Variants in DLC1 observed in about 807,000 individuals in gnomAD.
The protein encoded by DLC1 is DLC1 Rho GTPase activating protein, also known as rho GTPase-activating protein 7.
A neutral mutation model predicts 140.3 loss-of-function variants in DLC1; 54 were observed. The observed-to-expected ratio is 0.38, with a 90% CI of 0.31 to 0.48. DLC1 has a LOEUF of 0.48. DLC1 is among the 20% of genes least tolerant of loss of function. The probability of loss-of-function intolerance (pLI) is 0.96; values close to 1 mark genes in which losing one functional copy is unlikely to be tolerated. For missense variants in DLC1, 2,536 were observed against 1,907.0 expected (o/e 1.33, Z -6.14); for synonymous variants, 986 against 728.1 (o/e 1.35, Z -5.70).
At chr8:13,436,252 C>T (rs928518021) in intron 2 of DLC1, among the ~76,000 whole-genome samples, 3 of 152,122 alleles carry the variant, frequency 2.0e-5, no homozygotes, top group East Asian at 1.9e-4. Context: ...TATGAATGTG[C>T]GTAGGAAACA....
chr8:13,571,566 T>C (rs900757605), intron 1 of DLC1, among the ~76,000 whole-genome samples: 5 of 152,212 alleles, frequency 3.3e-5, no homozygotes, highest in African/African-American at 1.2e-4. Flanking sequence ...TGTAGGTATA[T>C]GTAACATGTA....
chr8:13,565,332 A>T (rs937186221), intron 1 of DLC1, among the ~76,000 whole-genome samples: 2 of 152,226 alleles, frequency 1.3e-5, no homozygotes, highest in Non-Finnish European at 2.9e-5. Context: ...TCCCTTGTTC[A>T]ATGTTATGGA....
chr8:13,277,157 A>G (rs186446027), intron 5 of DLC1, among the ~76,000 whole-genome samples: 1 of 152,174 alleles, frequency 6.6e-6, no homozygotes, highest in East Asian at 2.0e-4. Flanking sequence ...CCACCCCTAC[A>G]AGAAATTAGG....
intron 2 of DLC1, among the ~76,000 whole-genome samples, chr8:13,480,720 A>G (rs147852460): frequency 4.3e-4 from 65 of 152,318 alleles, no homozygotes; most frequent in African/African-American, 1.3e-3. Flanking sequence ...CCTCGCCAAC[A>G]GGGTGAAACC....
At chr8:13,163,733 C>T (rs1410709622) in intron 5 of DLC1, among the ~76,000 whole-genome samples, 1 of 152,008 alleles carries the variant, frequency 6.6e-6, no homozygotes, top group East Asian at 1.9e-4. Flanking sequence ...GTAATCCCAG[C>T]ATTTTGGGAG....
intron 2 of DLC1, among the ~76,000 whole-genome samples, chr8:13,446,051 C>G (rs540005767): frequency 6.6e-6 from 1 of 152,286 alleles, no homozygotes; most frequent in East Asian, 1.9e-4. Context: ...TACACGGTTG[C>G]TACCTGAACA....
At chr8:13,311,379 G>A (rs1162978597) in intron 4 of DLC1, among the ~76,000 whole-genome samples, 3 of 152,130 alleles carry the variant, frequency 2.0e-5, no homozygotes, top group Non-Finnish European at 4.4e-5. Flanking sequence ...ACTTAACTTA[G>A]TTTCTCAACC....
chr8:13,398,684 G>T (rs1368802657), intron 3 of DLC1, among the ~76,000 whole-genome samples: 1 of 151,390 alleles, frequency 6.6e-6, no homozygotes, highest in Non-Finnish European at 1.5e-5. Context: ...AAGAGAAAAA[G>T]GGTGAGGACT....
At chr8:13,472,141 C>T (rs533230670) in intron 2 of DLC1, among the ~76,000 whole-genome samples, 1 of 152,126 alleles carries the variant, frequency 6.6e-6, no homozygotes, top group Non-Finnish European at 1.5e-5. Flanking sequence ...AAATAACAAG[C>T]GCCAACTTAT....
chr8:13,598,005 C>G (rs1319293604), intron 1 of DLC1, among the ~76,000 whole-genome samples: 1 of 152,080 alleles, frequency 6.6e-6, no homozygotes, highest in South Asian at 2.1e-4. Context: ...TATCAAGAGT[C>G]TGATTACTAA....
chr8:13,258,490 C>G (rs576786397), intron 5 of DLC1, among the ~76,000 whole-genome samples: 1 of 152,242 alleles, frequency 6.6e-6, no homozygotes, highest in South Asian at 2.1e-4. Flanking sequence ...TCACTTAAAC[C>G]CTCTAAGGTT....
chr8:13,132,901 G>A (rs1331992949), intron 5 of DLC1: 2 of 1,561,596 alleles, frequency 1.3e-6, no homozygotes, highest in African/African-American at 2.7e-5. Context: ...TCCGCAGCCC[G>A]CTCCCGCGGC....
intron 5 of DLC1, among the ~76,000 whole-genome samples, chr8:13,159,857 G>GAA (rs556824574): frequency 5.8e-5 from 7 of 120,742 alleles, no homozygotes; most frequent in Admixed American, 8.6e-5. Context: ...AACCTGGTTT[G>GAA]AAAAAAAAAA....
Position 13,493,915 on chromosome 8 carries a change from C to T in DLC1, c.1023+5134G>A, listed in dbSNP as rs1391312167. ...TGGGAGTCCTTTTACCAAATGTTTG[C>T]ATATTTTAAATATAGAATAAGGAGA... On this transcript the variant is annotated intron_variant, in intron 2 of 17. Coordinates refer to ENST00000276297, the MANE Select transcript of DLC1 (RefSeq NM_182643.3). Among the ~76,000 whole-genome samples, 3 of 152,212 alleles carry T rather than the reference C, an allele frequency of 2.0e-5. No individual in the cohort carries two copies. In the East Asian group the frequency reaches 5.8e-4, roughly 29 times the overall value.
intron 4 of DLC1, chr8:13,342,180 G>C (rs1834091627): frequency 6.6e-6 from 1 of 152,106 alleles, no homozygotes; most frequent in African/African-American, 2.4e-5. Flanking sequence ...TAATAAATAT[G>C]AACTACATGA....
chr8:13,148,626 T>C (rs1300896457), intron 5 of DLC1, among the ~76,000 whole-genome samples: 2 of 152,104 alleles, frequency 1.3e-5, no homozygotes, highest in Admixed American at 1.3e-4. Flanking sequence ...TGGCATTTCC[T>C]CCTTGGTAAC....
chr8:13,464,474 A>C (rs1799829340), intron 2 of DLC1, among the ~76,000 whole-genome samples: 2 of 151,692 alleles, frequency 1.3e-5, no homozygotes, highest in African/African-American at 4.9e-5. Context: ...ATTTGTTATC[A>C]CATTAAATGT....
At chr8:13,590,059 A>G (rs1805465098) in intron 1 of DLC1, among the ~76,000 whole-genome samples, 1 of 142,482 alleles carries the variant, frequency 7.0e-6, no homozygotes, top group African/African-American at 2.6e-5. Flanking sequence ...GAAACTCAAC[A>G]TGCATATATA....
In DLC1 at chr8:13,568,464, C is replaced by T. The variant is rs902726417; in HGVS notation, c.-126+36073G>A. 5.9e-5 allele frequency among the ~76,000 whole-genome samples: 9 copies of T among 151,926 alleles called. No homozygotes were observed. The South Asian group carries it at 6.2e-4, about 11-fold the overall frequency. On this transcript the variant is annotated intron_variant, in intron 1 of 1. Transcript: ENST00000631382. ...AGAAACATTTGATTATTTGTTTTTG[C>T]GCTTCAGAGGAAAGGTATAGCCTAG...
Sources: gnomAD v4.1 joint callset for allele counts (sites outside exome capture counted in the v4.1 genomes callset) on GRCh38, gnomAD v4.1.1 for gene constraint, MANE v1.5 for transcripts, NCBI Gene and HGNC (gene_info 2026-07-23, HGNC 2026-07-21) for gene names.